EPHB1: variants seen among roughly 807,000 people sequenced by gnomAD.
EPHB1 encodes ephrin type-B receptor 1.
EPHB1 carries 30 observed loss-of-function variants against 94.4 expected under a neutral mutation model. The observed-to-expected ratio is 0.32, with a 90% confidence interval of 0.24 to 0.43. The LOEUF is 0.43. EPHB1 is among the 20% of genes least tolerant of loss of function. The probability of loss-of-function intolerance (pLI) is 1.00; values close to 1 mark genes in which losing one functional copy is unlikely to be tolerated. For missense variants in EPHB1, 1,055 were observed against 1,308.3 expected, an observed-to-expected ratio of 0.81 and a Z score of 2.99; for synonymous variants, 522 against 489.1, an observed-to-expected ratio of 1.07 and a Z score of -0.89.
intron 3 of EPHB1, among the ~76,000 whole-genome samples, chr3:135,004,077 G>T (rs572382438): frequency 2.0e-5 from 3 of 151,926 alleles, no homozygotes; most frequent in African/African-American, 7.3e-5. Flanking sequence ...ATTTTGGCAT[G>T]ATTTTGCAGC....
intron 3 of EPHB1, among the ~76,000 whole-genome samples, chr3:135,048,820 G>A (rs1180953018): frequency 1.3e-5 from 2 of 152,332 alleles, no homozygotes; most frequent in Middle Eastern, 3.4e-3. Context: ...TCCTATGAGT[G>A]TCTGTTTCAG....
At chr3:134,915,724 G>A (rs372074374) in intron 1 of EPHB1, among the ~76,000 whole-genome samples, 20 of 151,984 alleles carry the variant, frequency 1.3e-4, no homozygotes, top group African/African-American at 4.1e-4. Flanking sequence ...CTCTTAAGGC[G>A]GCGCGTCCGG....
At chr3:134,933,488 G>A (rs547344453) in intron 2 of EPHB1, among the ~76,000 whole-genome samples, 1 of 152,230 alleles carries the variant, frequency 6.6e-6, no homozygotes, top group Non-Finnish European at 1.5e-5. Context: ...GAGAAAGGCA[G>A]GAGAGAGTAA....
chr3:134,877,368 G>T (rs1302340382), intron 1 of EPHB1, among the ~76,000 whole-genome samples: 1 of 152,200 alleles, frequency 6.6e-6, no homozygotes, highest in Non-Finnish European at 1.5e-5. Flanking sequence ...AAGGAAGACA[G>T]TCAACCCTGT....
intron 2 of EPHB1, among the ~76,000 whole-genome samples, chr3:134,926,306 C>G (rs2038790011): frequency 6.6e-6 from 1 of 152,202 alleles, no homozygotes; most frequent in Non-Finnish European, 1.5e-5. Flanking sequence ...ATTTATTTGT[C>G]TAGTGTTCAT....
chr3:135,054,095 TATATC>T (rs1937279392), intron 3 of EPHB1, among the ~76,000 whole-genome samples: 2 of 151,656 alleles, frequency 1.3e-5, no homozygotes, highest in East Asian at 1.9e-4. Context: ...ATGACAAATT[TATATC>T]ATATAATTAC....
At chr3:134,925,319 A>C (rs1300216512) in intron 1 of EPHB1, among the ~76,000 whole-genome samples, 2 of 152,238 alleles carry the variant, frequency 1.3e-5, no homozygotes, top group African/African-American at 4.8e-5. Flanking sequence ...GGGGAGGCAG[A>C]GGAGAATGTG....
intron 1 of EPHB1, among the ~76,000 whole-genome samples, chr3:134,857,267 C>T (rs536772377): frequency 2.0e-5 from 3 of 152,184 alleles, no homozygotes; most frequent in Non-Finnish European, 2.9e-5. Context: ...CTGTACTCCT[C>T]TCCGTATATT....
At chr3:134,815,502 G>T (rs893066375) in intron 1 of EPHB1, among the ~76,000 whole-genome samples, 1 of 152,144 alleles carries the variant, frequency 6.6e-6, no homozygotes, top group Non-Finnish European at 1.5e-5. Flanking sequence ...GTGGCAAAAT[G>T]TTAAAAATTG....
chr3:135,014,909 C>A (rs746704514), intron 3 of EPHB1, among the ~76,000 whole-genome samples: 4 of 152,182 alleles, frequency 2.6e-5, no homozygotes, highest in Non-Finnish European at 5.9e-5. Flanking sequence ...GTTTTACTTT[C>A]CTTTCTTCTT....
intron 11 of EPHB1, 103 bp from the exon 12 acceptor site, chr3:135,201,371 T>C: frequency 8.5e-7 from 1 of 1,179,826 alleles, no homozygotes; most frequent in Non-Finnish European, 1.2e-6. Context: ...TGGCTTGGCC[T>C]GGAGCAGACA....
At chr3:135,139,277 T>C (rs1262032757) in intron 5 of EPHB1, among the ~76,000 whole-genome samples, 2 of 152,200 alleles carry the variant, frequency 1.3e-5, no homozygotes, top group Non-Finnish European at 2.9e-5. Context: ...TAGGGAATGT[T>C]GCTTAGGATG....
intron 1 of EPHB1, among the ~76,000 whole-genome samples, chr3:134,876,799 G>A (rs1401752910): frequency 6.6e-6 from 1 of 152,118 alleles, no homozygotes; most frequent in Non-Finnish European, 1.5e-5. Context: ...GTAGAATCAG[G>A]CACTCCTCCT....
intron 5 of EPHB1, among the ~76,000 whole-genome samples, chr3:135,153,032 C>G (rs1339058108): frequency 6.6e-6 from 1 of 152,202 alleles, no homozygotes; most frequent in Non-Finnish European, 1.5e-5. Flanking sequence ...TCTGCATCCT[C>G]TCCCTGAGGG....
intron 9 of EPHB1, among the ~76,000 whole-genome samples, chr3:135,176,463 A>C (rs1385882921): frequency 6.6e-6 from 1 of 152,188 alleles, no homozygotes; most frequent in African/African-American, 2.4e-5. Context: ...GCTTCTGGGG[A>C]AAGGTCTCAG....
At chr3:134,879,416 C>G (rs7631723) in intron 1 of EPHB1, among the ~76,000 whole-genome samples, 3 of 151,968 alleles carry the variant, frequency 2.0e-5, no homozygotes, top group Non-Finnish European at 4.4e-5. Context: ...GTGGGTGGAT[C>G]GCTTAAGCTG....
chr3:134,861,611 G>A (rs1372422937), intron 1 of EPHB1, among the ~76,000 whole-genome samples: 1 of 152,176 alleles, frequency 6.6e-6, no homozygotes, highest in Non-Finnish European at 1.5e-5. Flanking sequence ...GATGGGAGCG[G>A]GGAGAGTGTG....
intron 3 of EPHB1, among the ~76,000 whole-genome samples, chr3:134,995,868 A>C (rs1231471181): frequency 1.3e-5 from 2 of 152,242 alleles, no homozygotes; most frequent in African/African-American, 2.4e-5. Flanking sequence ...GTAGAAATAC[A>C]AATAAACATA....
At chr3:135,010,721 G>A (rs1935592522) in intron 3 of EPHB1, among the ~76,000 whole-genome samples, 1 of 151,906 alleles carries the variant, frequency 6.6e-6, no homozygotes, top group South Asian at 2.1e-4. Flanking sequence ...GCGCCACCAC[G>A]CCTAGCTAAT....
Sources: allele counts gnomAD v4.1 joint callset (sites outside exome capture counted in the v4.1 genomes callset), GRCh38; gene constraint gnomAD v4.1.1; transcripts MANE v1.5; gene names NCBI Gene and HGNC (gene_info 2026-07-23, HGNC 2026-07-21).